Variants in PTPRD observed in about 807,000 individuals in gnomAD.
PTPRD encodes protein tyrosine phosphatase receptor type D.
Under a neutral mutation model 214.5 loss-of-function variants are expected in PTPRD, and 34 were observed. The observed-to-expected ratio is 0.16, with a 90% CI of 0.12 to 0.21. PTPRD has a LOEUF of 0.21. Ranked by LOEUF, PTPRD falls within the 10% of genes least tolerant of loss-of-function variation. The pLI is 1.00. For missense variants in PTPRD, 2,545 were observed against 2,398.7 expected (o/e 1.06, Z -1.27); for synonymous variants, 1,128 against 845.7 (o/e 1.33, Z -5.79).
chr9:8,440,399 T>A (rs2095508487), intron 34 of PTPRD, among the ~76,000 whole-genome samples: 1 of 151,798 alleles, frequency 6.6e-6, no homozygotes, highest in South Asian at 2.1e-4. Flanking sequence ...CACTGTAAGC[T>A]CTACCTCCCG....
chr9:10,385,784 G>T (rs1462268156), intron 2 of PTPRD, among the ~76,000 whole-genome samples: 1 of 151,662 alleles, frequency 6.6e-6, no homozygotes, highest in Admixed American at 6.6e-5. Context: ...CAAAAGAAAT[G>T]AACATTATGA....
At chr9:8,848,164 T>A (rs1485249738) in intron 11 of PTPRD, among the ~76,000 whole-genome samples, 2 of 151,960 alleles carry the variant, frequency 1.3e-5, no homozygotes, top group East Asian at 1.9e-4. Context: ...CTGGAGGCCA[T>A]CTGCAGAAAA....
chr9:8,799,483 G>T (rs2096527281), intron 11 of PTPRD, among the ~76,000 whole-genome samples: 1 of 152,158 alleles, frequency 6.6e-6, no homozygotes, highest in Non-Finnish European at 1.5e-5. Context: ...AAAGAGAAAA[G>T]AAAAGGAATG....
chr9:10,059,295 T>G lies in PTPRD; in HGVS notation c.-544-25505A>C, dbSNP rs553015830. Among the ~76,000 whole-genome samples, 11 of 152,292 alleles carry G rather than the reference T, an allele frequency of 7.2e-5. No homozygotes were observed. In the South Asian group the frequency reaches 2.3e-3, roughly 32 times the overall value. ...TTACAACTTCCATGTTGCGCAATAC[T>G]CATGGGCTTCTCCTCAAGGATTTGC... On this transcript the variant is annotated intron_variant, in intron 3 of 45. Transcript: ENST00000381196.
At chr9:8,817,742 T>C (rs367902435) in intron 11 of PTPRD, among the ~76,000 whole-genome samples, 27 of 152,230 alleles carry the variant, frequency 1.8e-4, no homozygotes, top group East Asian at 1.3e-3. Context: ...TTATGGGAGT[T>C]GGTAGTGTGT....
At chr9:9,106,862 C>T (rs761336165) in intron 10 of PTPRD, among the ~76,000 whole-genome samples, 1 of 151,964 alleles carries the variant, frequency 6.6e-6, no homozygotes, top group Non-Finnish European at 1.5e-5. Context: ...TTGAATATAC[C>T]TCAGCATAGA....
intron 21 of PTPRD, among the ~76,000 whole-genome samples, chr9:8,515,296 A>G (rs1256130090): frequency 6.6e-6 from 1 of 152,238 alleles, no homozygotes; most frequent in East Asian, 1.9e-4. Context: ...GAGAATAAAT[A>G]CATGCAAAGT....
chr9:10,053,804 G>A (rs1391380688), intron 3 of PTPRD, among the ~76,000 whole-genome samples: 1 of 152,120 alleles, frequency 6.6e-6, no homozygotes, highest in African/African-American at 2.4e-5. Context: ...TGTAGCCCAG[G>A]CTGGAGTTAA....
At chr9:8,741,484 C>T (rs891498578) in intron 11 of PTPRD, among the ~76,000 whole-genome samples, 1 of 149,616 alleles carries the variant, frequency 6.7e-6, no homozygotes, top group Non-Finnish European at 1.5e-5. Flanking sequence ...AGATCTTTCT[C>T]GCAAAGTGTA....
At position 9,129,114 on chromosome 9, in the gene PTPRD, G is replaced by A. The variant is rs560366925; in HGVS notation, c.-143+54190C>T. ...TTTATCTAATAACGAATTAGGCCGGGCGCAGTGGCTCACGCCTGTAATCCC... is the reference window on the plus strand; with the variant it reads ...TTTATCTAATAACGAATTAGGCCGGACGCAGTGGCTCACGCCTGTAATCCC... On this transcript the variant is annotated intron_variant, in intron 10 of 45. Coordinates refer to ENST00000381196, the MANE Select transcript of PTPRD (RefSeq NM_002839.4). Among the ~76,000 whole-genome samples, 11 of 152,358 alleles carry A rather than the reference G, an allele frequency of 7.2e-5. No homozygotes were observed. In the South Asian group the frequency reaches 1.7e-3, roughly 23 times the overall value.
At chr9:8,504,046 G>T (rs1480530387) in intron 23 of PTPRD, among the ~76,000 whole-genome samples, 8 of 152,154 alleles carry the variant, frequency 5.3e-5, no homozygotes, top group African/African-American at 1.9e-4. Flanking sequence ...AAGTCTTTCA[G>T]TGTAGGAAGT....
rs57891244 is a variant in PTPRD, at chr9:10,190,718, CAAAAAAAA to C, written c.-545+150237_-545+150244del. Among the ~76,000 whole-genome samples, 6 of 44,214 alleles carry C rather than the reference CAAAAAAAA, an allele frequency of 1.4e-4. 1 individual carries two copies. Among genetic ancestry groups the C allele is most frequent in the Admixed American group, 2.9e-4 (1 of 3,432 alleles). The allele number at this position is 44,214 out of a possible 152,430, so 29.0% of individuals were successfully genotyped here. A position where few individuals can be genotyped will look rare whatever the true frequency, so the allele number is the denominator to read the frequency against. ...GGGCAACAAGAGCAAAACTCTGTCT[CAAAAAAAA>C]AAAAAAAAAAAAAAAAAGTCAAAGT... On this transcript the variant is annotated intron_variant, in intron 3 of 45. Coordinates refer to ENST00000381196, the MANE Select transcript of PTPRD (RefSeq NM_002839.4).
At chr9:9,979,478 C>A (rs1216290018) in intron 4 of PTPRD, among the ~76,000 whole-genome samples, 1 of 151,752 alleles carries the variant, frequency 6.6e-6, no homozygotes, top group Non-Finnish European at 1.5e-5. Context: ...TAAATATACT[C>A]TTATTTTTTG....
chr9:10,481,331 A>G (rs2099096452), intron 2 of PTPRD, among the ~76,000 whole-genome samples: 1 of 152,214 alleles, frequency 6.6e-6, no homozygotes, highest in Non-Finnish European at 1.5e-5. Flanking sequence ...AAAACAAAAA[A>G]TATCCTATTG....
chr9:8,744,630 A>G (rs2092572194), intron 11 of PTPRD, among the ~76,000 whole-genome samples: 1 of 152,162 alleles, frequency 6.6e-6, no homozygotes, highest in Non-Finnish European at 1.5e-5. Context: ...GATATAATGG[A>G]CTTTGGGGAC....
chr9:9,840,010 T>A (rs916093478), intron 5 of PTPRD, among the ~76,000 whole-genome samples: 1 of 152,008 alleles, frequency 6.6e-6, no homozygotes, highest in Admixed American at 6.6e-5. Context: ...GTTAGAGTGA[T>A]TCAATTTTAT....
chr9:9,483,150 T>A (rs973571728), intron 8 of PTPRD, among the ~76,000 whole-genome samples: 4 of 152,190 alleles, frequency 2.6e-5, no homozygotes, highest in Non-Finnish European at 5.9e-5. Flanking sequence ...AATGCTTCTT[T>A]GTCTTAGAAA....
intron 7 of PTPRD, among the ~76,000 whole-genome samples, chr9:9,680,359 A>T (rs956426736): frequency 3.3e-5 from 5 of 151,896 alleles, no homozygotes; most frequent in African/African-American, 1.2e-4. Flanking sequence ...TAAAAAGAAA[A>T]GCTTATTTCG....
chr9:10,273,253 C>A (rs7861410), intron 3 of PTPRD, among the ~76,000 whole-genome samples: 61,228 of 151,942 alleles, frequency 0.4, 13,795 homozygotes, highest in East Asian at 0.55. Context: ...CCCTCTTTGG[C>A]TCCTCAGTTT....
Sources: gnomAD v4.1 joint callset for allele counts (sites outside exome capture counted in the v4.1 genomes callset) on GRCh38, gnomAD v4.1.1 for gene constraint, MANE v1.5 for transcripts, NCBI Gene and HGNC (gene_info 2026-07-23, HGNC 2026-07-21) for gene names.